The following ZNF33A variants were observed in gnomAD, a reference collection of about 807,000 sequenced individuals.
ZNF33A encodes the protein zinc finger protein 33A, also known as brain my041 protein.
Under a neutral mutation model 15.9 loss-of-function variants are expected in ZNF33A, and 9 were observed. That is an observed-to-expected ratio of 0.57 (90% CI 0.34 to 0.99). ZNF33A has a LOEUF of 0.99. Ranked by LOEUF, ZNF33A falls within the 50% of genes least tolerant of loss-of-function variation. ZNF33A has a pLI of 0.02. For missense variants in ZNF33A, 843 were observed against 941.6 expected, an observed-to-expected ratio of 0.90 and a Z score of 1.37; for synonymous variants, 294 against 324.2, an observed-to-expected ratio of 0.91 and a Z score of 1.00.
intron 4 of ZNF33A, among the ~76,000 whole-genome samples, chr10:38,017,907 C>G (rs966019507): frequency 1.3e-5 from 2 of 152,122 alleles, no homozygotes; most frequent in Non-Finnish European, 2.9e-5. Context: ...ACAGCCTGGC[C>G]AACATGGTGA....
At chr10:38,031,208 A>G (rs926759277) in intron 4 of ZNF33A, among the ~76,000 whole-genome samples, 2 of 152,232 alleles carry the variant, frequency 1.3e-5, no homozygotes, top group Non-Finnish European at 2.9e-5. Context: ...AATTGTTACC[A>G]TGGAGAAAAC....
At chr10:38,040,898 G>A (rs1660471821) in intron 4 of ZNF33A, among the ~76,000 whole-genome samples, 2 of 152,092 alleles carry the variant, frequency 1.3e-5, no homozygotes, top group South Asian at 4.1e-4. Context: ...GATTTACAGA[G>A]GTTCAACTTA....
chr10:38,049,157 GAATATACTTCTACAT>G (rs1157295620), intron 4 of ZNF33A, among the ~76,000 whole-genome samples: 5 of 152,106 alleles, frequency 3.3e-5, no homozygotes, highest in African/African-American at 1.2e-4. Context: ...GTTGGAAACT[GAATATACTTCTACAT>G]AATGGATTCT....
At chr10:38,064,295 CCTAA>C, downstream of ZNF33A, 2 of 582,778 alleles carry the variant, frequency 3.4e-6, no homozygotes, top group Non-Finnish European at 6.0e-6. Flanking sequence ...CTGGAAACAG[CCTAA>C]AGAGACATTT....
chr10:38,034,885 C>G (rs1239393717), intron 4 of ZNF33A, among the ~76,000 whole-genome samples: 1 of 152,120 alleles, frequency 6.6e-6, no homozygotes, highest in African/African-American at 2.4e-5. Context: ...GCCATCTCAG[C>G]TGACAGAACA....
intron 4 of ZNF33A, among the ~76,000 whole-genome samples, chr10:38,031,606 G>A (rs1307626994): frequency 6.7e-6 from 1 of 149,006 alleles, no homozygotes; most frequent in Admixed American, 6.7e-5. Context: ...AAAAAGAATT[G>A]TCTCCAAATA....
At chr10:38,011,163 G>A (rs1357609519) in intron 1 of ZNF33A, among the ~76,000 whole-genome samples, 3 of 152,352 alleles carry the variant, frequency 2.0e-5, no homozygotes, top group African/African-American at 7.2e-5. Flanking sequence ...CGGCAGACTC[G>A]GTTGCACGTA....
rs761917848 is a variant in ZNF33A at position 38,055,255 on chromosome 10, A to G, written c.1131A>G (p.Arg377=). 6.2e-7 allele frequency: 1 copy of G among 1,614,162 alleles called. No homozygotes were observed. Among genetic ancestry groups the G allele is most frequent in the Non-Finnish European group, 8.5e-7 (1 of 1,179,984 alleles). Residue 377 remains arginine (R), a synonymous_variant, in exon 5 of 5, where the codon AGA becomes AGG. Coordinates refer to ENST00000432900, the MANE Select transcript of ZNF33A (RefSeq NM_006954.2). ...WDKSNLTKHQ[R]SHTGEKPFEC... ...AGTCAAACCTCACTAAACATCAAAG[A>G]TCACACACAGGGGAGAAACCTTTTG...
At chr10:38,061,197 G>T (rs1372818112), downstream of ZNF33A, among the ~76,000 whole-genome samples, 1 of 152,058 alleles carries the variant, frequency 6.6e-6, no homozygotes, top group Non-Finnish European at 1.5e-5. Context: ...TTTGTGGAAA[G>T]GCAGGAGACA....
rs568582903 is a variant in ZNF33A, at chr10:38,057,413, A to G, written c.*853A>G. On this transcript the variant is annotated 3_prime_UTR_variant, in exon 5 of 5. Coordinates refer to ENST00000432900, the MANE Select transcript of ZNF33A (RefSeq NM_006954.2). The stretch of plus-strand genomic sequence containing the variant: ...ATCTGCGAATTATCCCTGAAGTTCA[A>G]AAGACTTATATATGTATAAGTGGTA... 15 of 985,424 alleles carry G rather than the reference A, an allele frequency of 1.5e-5. No individual in the cohort carries two copies. Among genetic ancestry groups the G allele is most frequent in the East Asian group, 2.3e-4 (2 of 8,808 alleles). 61.0% of individuals were successfully genotyped at this position (985,424 alleles called of 1,614,324 possible).
intron 4 of ZNF33A, among the ~76,000 whole-genome samples, chr10:38,025,589 C>T (rs1226403727): frequency 2.0e-5 from 3 of 152,220 alleles, no homozygotes; most frequent in African/African-American, 7.2e-5. Flanking sequence ...GCCATGCTGG[C>T]GTCCTGATCT....
chr10:38,061,063 C>T (rs750490085), downstream of ZNF33A, among the ~76,000 whole-genome samples: 2 of 152,110 alleles, frequency 1.3e-5, no homozygotes, highest in Non-Finnish European at 2.9e-5. Flanking sequence ...CATTTGAGCC[C>T]CACTTTCCAA....
At chr10:38,062,215 C>T (rs1245463487), downstream of ZNF33A, among the ~76,000 whole-genome samples, 1 of 152,120 alleles carries the variant, frequency 6.6e-6, no homozygotes, top group Non-Finnish European at 1.5e-5. Context: ...CTGGCCCTCA[C>T]CGGATACTCA....
intron 4 of ZNF33A, among the ~76,000 whole-genome samples, chr10:38,022,472 C>A (rs1181005934): frequency 3.3e-5 from 5 of 151,982 alleles, no homozygotes; most frequent in African/African-American, 1.2e-4. Flanking sequence ...CCCTGGCCAA[C>A]ATGGTGAAAC....
intron 4 of ZNF33A, chr10:38,039,542 T>G: frequency 2.2e-6 from 1 of 456,010 alleles, no homozygotes; most frequent in Non-Finnish European, 4.4e-6. Context: ...TGGGGAGTTT[T>G]AAATTTACAA....
At position 38,055,438 on chromosome 10, in the gene ZNF33A, G is replaced by C. The variant is rs780311197; in HGVS notation, c.1314G>C (p.Leu438=). The stretch of plus-strand genomic sequence containing the variant: ...AACATCAGAGAACACACACAGGGCT[G>C]AAACCCTATGAATGTTATGAATGTG... ...LTKHQRTHTG[L]KPYECYECGK... The change falls in exon 5 of 5, where the codon CTG becomes CTC. Residue 438 remains leucine (L), a synonymous_variant. Transcript: ENST00000432900. The C allele has an allele frequency of 3.7e-6, 6 of 1,613,924 alleles. No individual in the cohort carries two copies. The East Asian group carries it at 1.3e-4, about 36-fold the overall frequency.
At chr10:38,011,323 G>T (rs1423522003) in intron 1 of ZNF33A, among the ~76,000 whole-genome samples, 1 of 152,170 alleles carries the variant, frequency 6.6e-6, no homozygotes, top group Non-Finnish European at 1.5e-5. Flanking sequence ...GGTGGCTCTC[G>T]CCTGTAATCC....
intron 4 of ZNF33A, among the ~76,000 whole-genome samples, chr10:38,047,802 T>A (rs1344967698): frequency 6.6e-6 from 1 of 152,078 alleles, no homozygotes; most frequent in Non-Finnish European, 1.5e-5. Flanking sequence ...TGATGGGAAC[T>A]TACTGATCTA....
At chr10:38,011,984 T>A (rs1370614396) in intron 1 of ZNF33A, among the ~76,000 whole-genome samples, 6 of 152,198 alleles carry the variant, frequency 3.9e-5, no homozygotes, top group Non-Finnish European at 7.3e-5. Flanking sequence ...ATATTGTCAT[T>A]ATACTTTTTT....
Sources: allele counts gnomAD v4.1 joint callset (sites outside exome capture counted in the v4.1 genomes callset), GRCh38; gene constraint gnomAD v4.1.1; transcripts MANE v1.5; gene names NCBI Gene and HGNC (gene_info 2026-07-23, HGNC 2026-07-21).